Variants in OXNAD1 observed in about 807,000 individuals in gnomAD.
OXNAD1 encodes oxidoreductase NAD binding domain containing 1, also known as oxidoreductase NAD-binding domain-containing protein 1.
OXNAD1 carries 34 observed loss-of-function variants against 32.9 expected under a neutral mutation model. The ratio of observed to expected loss-of-function variants is 1.03; its 90% CI spans 0.79 to 1.38. OXNAD1 has a LOEUF of 1.38. Ranked by LOEUF, OXNAD1 falls within the 40% of genes most tolerant of loss-of-function variation. The pLI is 0.00. For synonymous variants in OXNAD1, 134 were observed against 135.2 expected (o/e 0.99, Z 0.06); for missense variants, 407 against 379.4 (o/e 1.07, Z -0.60).
At chr3:16,266,076 A>G (rs1333983437) in intron 1 of OXNAD1, among the ~76,000 whole-genome samples, 1 of 152,208 alleles carries the variant, frequency 6.6e-6, no homozygotes, top group African/African-American at 2.4e-5. Context: ...TGTAGTGAAA[A>G]AGCACTTTCG....
At chr3:16,326,989 C>T in intron 9 of OXNAD1, 2 of 733,688 alleles carry the variant, frequency 2.7e-6, no homozygotes, top group Non-Finnish European at 4.5e-6. Flanking sequence ...GTGGCGGTGC[C>T]CGGCCACTCA....
At chr3:16,300,704 G>A (rs1022302931) in intron 6 of OXNAD1, among the ~76,000 whole-genome samples, 1 of 152,178 alleles carries the variant, frequency 6.6e-6, no homozygotes, top group Admixed American at 6.5e-5. Flanking sequence ...TGTGCTGTAA[G>A]TACTCCTACA....
chr3:16,350,534 A>C (rs1226588299), downstream of OXNAD1, among the ~76,000 whole-genome samples: 8 of 151,852 alleles, frequency 5.3e-5, no homozygotes, highest in Non-Finnish European at 1.2e-4. Flanking sequence ...ATCCATACAT[A>C]CTATTCTGTA....
rs1263779721 is a variant in OXNAD1, at chr3:16,320,201, G to GT, written c.*30+16611dup. Among the ~76,000 whole-genome samples the GT allele has an allele frequency of 2.0e-5, 3 of 152,244 alleles. No individual in the cohort carries two copies. The highest frequency in any genetic ancestry group is 7.2e-5 in the African/African-American group (3 of 41,470). On this transcript the variant is annotated intron_variant, in intron 9 of 9. Transcript: ENST00000435829. The surrounding 1 kb of genome is among the most constrained non-coding windows in gnomAD (Gnocchi z 4.5). ...TTTAGCTGGAAGGAAGTCTTCCCGA[G>GT]TTGTAGAAATCACCTACTCCCTTTG...
At chr3:16,278,436 A>G (rs1056030196) in intron 4 of OXNAD1, among the ~76,000 whole-genome samples, 12 of 152,138 alleles carry the variant, frequency 7.9e-5, no homozygotes, top group Non-Finnish European at 1.6e-4. Context: ...TTTAATTTCT[A>G]TTTCACAGAT....
rs139883248 is a variant in OXNAD1 at position 16,331,950 on chromosome 3, C to G, written c.*31-5162C>G. On this transcript the variant is annotated intron_variant, in intron 9 of 9. Coordinates refer to the OXNAD1 transcript ENST00000435829. Reference sequence around the variant, plus strand: ...ATTTTGAAAGTACCTCTAGTAGTTTCTAGATGTCAGCAATGCTATTGAGAT... The same window carrying G: ...ATTTTGAAAGTACCTCTAGTAGTTTGTAGATGTCAGCAATGCTATTGAGAT... Among the ~76,000 whole-genome samples, 56 of 152,290 alleles carry G rather than the reference C, an allele frequency of 3.7e-4. 1 individual carries two copies. Among genetic ancestry groups the G allele is most frequent in the African/African-American group, 1.2e-3 (50 of 41,564 alleles).
intron 4 of OXNAD1, among the ~76,000 whole-genome samples, chr3:16,281,891 ATTTC>A (rs1346101944): frequency 7.7e-6 from 1 of 130,602 alleles, no homozygotes; most frequent in South Asian, 2.3e-4. Flanking sequence ...ATAAAATAAC[ATTTC>A]TTTTTTTTTT....
intron 4 of OXNAD1, among the ~76,000 whole-genome samples, chr3:16,276,925 CTTTTTTTTT>C (rs201229589): frequency 7.5e-6 from 1 of 133,888 alleles, no homozygotes; most frequent in Non-Finnish European, 1.6e-5. Flanking sequence ...TTCTTTCTTT[CTTTTTTTTT>C]TTTTTTGAGA....
chr3:16,317,447 T>C lies in OXNAD1; in HGVS notation c.*30+13855T>C, dbSNP rs142728205. 6.5e-3 allele frequency among the ~76,000 whole-genome samples: 989 copies of C among 152,082 alleles called. 11 individuals are homozygous for C. The highest frequency in any genetic ancestry group is 0.011 in the Non-Finnish European group (735 of 67,970). On this transcript the variant is annotated intron_variant, in intron 9 of 9. Transcript: ENST00000435829. This position sits in a 1 kb window ranked among gnomAD's most constrained non-coding sequence, Gnocchi z 4.3. ...GCACCACACCTTCCAGGATGTGTATTTTAGATGTAGATTTCAGGTTCTGTT... is the reference window on the plus strand; with the variant it reads ...GCACCACACCTTCCAGGATGTGTATCTTAGATGTAGATTTCAGGTTCTGTT...
chr3:16,310,246 C>T (rs2672561), downstream of OXNAD1, among the ~76,000 whole-genome samples: 123,849 of 152,174 alleles, frequency 0.81, 51,074 homozygotes, highest in African/African-American at 0.95. Context: ...ATTTTGTGGA[C>T]CTAGAAACTG....
chr3:16,311,311 C>A (rs1021701195), intron 9 of OXNAD1, among the ~76,000 whole-genome samples: 3 of 67,604 alleles, frequency 4.4e-5, no homozygotes, highest in Admixed American at 1.9e-4. Flanking sequence ...TGTCCTGCCT[C>A]AGCTTCCCGA....
downstream of OXNAD1, among the ~76,000 whole-genome samples, chr3:16,307,879 A>G (rs770646968): frequency 6.6e-6 from 1 of 152,206 alleles, no homozygotes; most frequent in African/African-American, 2.4e-5. Flanking sequence ...CAGTACAGCT[A>G]AATTGGTACA....
rs766149596 is a variant in OXNAD1 at position 16,336,802 on chromosome 3, C to G, written c.*31-310C>G. On this transcript the variant is annotated intron_variant, in intron 9 of 9. Coordinates refer to the OXNAD1 transcript ENST00000435829. The surrounding 1 kb of genome is among the most constrained non-coding windows in gnomAD (Gnocchi z 6.0). The stretch of plus-strand genomic sequence containing the variant: ...AATTCACATCTTTGTCTCATTTTCT[C>G]TACCAGGTAAGAAAGGCAGCAAACT... Among the ~76,000 whole-genome samples, 1 of 152,166 alleles carries G rather than the reference C, an allele frequency of 6.6e-6. No homozygotes were observed. Among genetic ancestry groups the G allele is most frequent in the Admixed American group, 6.5e-5 (1 of 15,280 alleles).
rs780859937 is a variant in OXNAD1 at position 16,316,945 on chromosome 3, A to C, written c.*30+13353A>C. On this transcript the variant is annotated intron_variant, in intron 9 of 9. Coordinates refer to the OXNAD1 transcript ENST00000435829. The surrounding 1 kb of genome is among the most constrained non-coding windows in gnomAD (Gnocchi z 4.5). ...CCACCAGGGCCCTGCTGTGGCTGGCAGGACCATTCTGCACAGCCTCACCCT... is the reference window on the plus strand; with the variant it reads ...CCACCAGGGCCCTGCTGTGGCTGGCCGGACCATTCTGCACAGCCTCACCCT... The C allele has an allele frequency of 6.2e-7, 1 of 1,613,916 alleles. No homozygotes were observed. The highest frequency in any genetic ancestry group is 1.3e-5 in the African/African-American group (1 of 74,880).
chr3:16,318,511 A>G (rs980645834), intron 9 of OXNAD1, among the ~76,000 whole-genome samples: 6 of 152,152 alleles, frequency 3.9e-5, no homozygotes, highest in Non-Finnish European at 8.8e-5. Context: ...TGCTATGTAA[A>G]TGTTTAAAAA....
At chr3:16,286,582 T>G (rs2066088532) in intron 5 of OXNAD1, 134 bp downstream of exon 5, 3 of 734,572 alleles carry the variant, frequency 4.1e-6, no homozygotes, top group Non-Finnish European at 4.5e-6. Flanking sequence ...CTGCTCAGGG[T>G]GAGCCTTTGT....
In OXNAD1 at chr3:16,297,947, T is replaced by A. The variant is rs1336714666; in HGVS notation, c.432+2950T>A. On this transcript the variant is annotated intron_variant, in intron 6 of 8. Transcript: ENST00000285083. This position sits in a 1 kb window ranked among gnomAD's most constrained non-coding sequence, Gnocchi z 4.3. Reference sequence around the variant, plus strand: ...GTGTGTTAAAATTCATAGAACCGTATACCAAAAGAAAAAGATTTCTATTAA... The same window carrying A: ...GTGTGTTAAAATTCATAGAACCGTAAACCAAAAGAAAAAGATTTCTATTAA... Among the ~76,000 whole-genome samples the A allele has an allele frequency of 2.0e-5, 3 of 152,162 alleles. No homozygotes were observed. Among genetic ancestry groups the A allele is most frequent in the Non-Finnish European group, 2.9e-5 (2 of 68,026 alleles).
At chr3:16,350,342 G>C (rs1295718450), downstream of OXNAD1, 1 of 143,464 alleles carries the variant, frequency 7.0e-6, no homozygotes, top group Admixed American at 7.1e-5. Context: ...GTGAACACAT[G>C]CATTTGTTTC....
At chr3:16,273,053 A>G (rs1012534005) in intron 4 of OXNAD1, among the ~76,000 whole-genome samples, 1 of 152,158 alleles carries the variant, frequency 6.6e-6, no homozygotes, top group Non-Finnish European at 1.5e-5. Context: ...TACAAATTTC[A>G]TTTACCAAAC....
Sources: allele counts gnomAD v4.1 joint callset (sites outside exome capture counted in the v4.1 genomes callset), GRCh38; gene constraint gnomAD v4.1.1; non-coding constraint Gnocchi (gnomAD v3.1); transcripts MANE v1.5; gene names NCBI Gene and HGNC (gene_info 2026-07-23, HGNC 2026-07-21).